The following DGKG variants were observed in gnomAD, a reference collection of about 807,000 sequenced individuals.
The protein encoded by DGKG is diacylglycerol kinase gamma.
In DGKG, 78 loss-of-function variants were observed where a neutral mutation model predicts 105.3. The ratio of observed to expected loss-of-function variants is 0.74; its 90% CI spans 0.62 to 0.89. The LOEUF (loss-of-function observed/expected upper bound fraction) is 0.89, where lower values mean the gene tolerates loss of function less well. Among genes scored for constraint, DGKG ranks in the 40% least tolerant of loss-of-function variants. DGKG has a pLI of 0.00. For missense variants in DGKG, 958 were observed against 1,020.1 expected (o/e 0.94, Z 0.83); for synonymous variants, 346 against 367.1 (o/e 0.94, Z 0.66).
chr3:186,256,104 A>G (rs1479741064), intron 17 of DGKG, among the ~76,000 whole-genome samples: 1 of 152,130 alleles, frequency 6.6e-6, no homozygotes, highest in Non-Finnish European at 1.5e-5. Flanking sequence ...CACCCTCTGC[A>G]GATCAGCTTT....
intron 19 of DGKG, among the ~76,000 whole-genome samples, chr3:186,249,152 G>A (rs182628680): frequency 6.6e-6 from 1 of 152,066 alleles, no homozygotes; most frequent in Non-Finnish European, 1.5e-5. Flanking sequence ...GGGCATCTGC[G>A]TGGGTCACTG....
At chr3:186,189,600 A>T (rs1717807889) in intron 21 of DGKG, among the ~76,000 whole-genome samples, 1 of 152,158 alleles carries the variant, frequency 6.6e-6, no homozygotes, top group African/African-American at 2.4e-5. Flanking sequence ...ATACAATAAA[A>T]ACCCACTATC....
intron 19 of DGKG, among the ~76,000 whole-genome samples, chr3:186,250,960 G>C (rs922977565): frequency 1.3e-5 from 2 of 151,236 alleles, no homozygotes; most frequent in African/African-American, 4.9e-5. Flanking sequence ...CTCCTGTTCC[G>C]ATCCTGTTCA....
chr3:186,283,403 C>A (rs1000436611), intron 7 of DGKG, among the ~76,000 whole-genome samples: 2 of 152,148 alleles, frequency 1.3e-5, no homozygotes, highest in African/African-American at 4.8e-5. Context: ...CTCGCACTCA[C>A]TGTTCTTTCT....
chr3:186,233,822 T>C (rs1288006645), intron 20 of DGKG, among the ~76,000 whole-genome samples: 1 of 152,214 alleles, frequency 6.6e-6, no homozygotes, highest in Non-Finnish European at 1.5e-5. Flanking sequence ...TGGCAGTTCA[T>C]GACAGCAACA....
chr3:186,151,470 A>G (rs553911255), intron 24 of DGKG, among the ~76,000 whole-genome samples: 1 of 152,342 alleles, frequency 6.6e-6, no homozygotes, highest in South Asian at 2.1e-4. Flanking sequence ...CAAGGAGGAA[A>G]GAATTTTAAA....
At chr3:186,280,073 T>C (rs1479187222) in intron 8 of DGKG, 100 bp from the exon 9 acceptor site, 1 of 1,468,556 alleles carries the variant, frequency 6.8e-7, no homozygotes, top group Non-Finnish European at 9.4e-7. Flanking sequence ...ATCTGGTTTG[T>C]GTTTTACCCC....
chr3:186,361,443 A>G lies in DGKG; in HGVS notation c.-249+503T>C, dbSNP rs975132591. Among the ~76,000 whole-genome samples the G allele has an allele frequency of 1.3e-5, 2 of 152,120 alleles. No homozygotes were observed. The highest frequency in any genetic ancestry group is 4.8e-5 in the African/African-American group (2 of 41,434). ...TCTCTGAGGTGTCCGTGTTCGCTTCAGCTTCCCTTTAAGTCGCCCTGCGCA... is the reference window on the plus strand; with the variant it reads ...TCTCTGAGGTGTCCGTGTTCGCTTCGGCTTCCCTTTAAGTCGCCCTGCGCA... On this transcript the variant is annotated intron_variant, in intron 1 of 24. Transcript: ENST00000265022. The surrounding 1 kb of genome is among the most constrained non-coding windows in gnomAD (Gnocchi z 6.8).
At chr3:186,192,674 G>A (rs952664208) in intron 21 of DGKG, among the ~76,000 whole-genome samples, 17 of 152,298 alleles carry the variant, frequency 1.1e-4, no homozygotes, top group Admixed American at 3.9e-4. Flanking sequence ...CAGATCCTAC[G>A]CTGGAGATGA....
chr3:186,357,841 G>A (rs1250033465), intron 1 of DGKG, among the ~76,000 whole-genome samples: 2 of 152,244 alleles, frequency 1.3e-5, no homozygotes, highest in Non-Finnish European at 2.9e-5. Context: ...TTTTTGCAAT[G>A]ATGGAAATCT....
intron 1 of DGKG, among the ~76,000 whole-genome samples, chr3:186,360,630 C>A (rs1437964304): frequency 1.3e-5 from 2 of 152,156 alleles, no homozygotes; most frequent in African/African-American, 4.8e-5. Flanking sequence ...GACCAAACCT[C>A]GACATTTGCC....
chr3:186,303,102 C>A (rs1724056750), intron 3 of DGKG, among the ~76,000 whole-genome samples: 1 of 152,144 alleles, frequency 6.6e-6, no homozygotes, highest in Admixed American at 6.5e-5. Flanking sequence ...GCATAGTGCT[C>A]CCTGACACTC....
rs767223071 is a variant in DGKG at position 186,149,326 on chromosome 3, C to T, written c.*764G>A. 3.9e-5 allele frequency: 38 copies of T among 985,154 alleles called. No individual in the cohort carries two copies. Among genetic ancestry groups the T allele is most frequent in the Admixed American group, 6.2e-5 (1 of 16,250 alleles). 61.0% of individuals were successfully genotyped at this position (985,154 alleles called of 1,614,324 possible). A position where few individuals can be genotyped will look rare whatever the true frequency, so the allele number is the denominator to read the frequency against. ...CTCCGCTCTCCCTCCCAGGTGTTCA[C>T]AGAACTAAGAAAATAAATACCACAT... is the stretch of plus-strand genomic sequence containing the variant. On this transcript the variant is annotated 3_prime_UTR_variant, in exon 25 of 25. Coordinates refer to ENST00000265022, the MANE Select transcript of DGKG (RefSeq NM_001346.3).
At chr3:186,193,334 TA>T (rs1717997447) in intron 21 of DGKG, among the ~76,000 whole-genome samples, 1 of 152,216 alleles carries the variant, frequency 6.6e-6, no homozygotes, top group Admixed American at 6.5e-5. Context: ...TTGTCATCTG[TA>T]AAATGGAGGA....
chr3:186,168,384 A>T (rs1397295726), intron 22 of DGKG, among the ~76,000 whole-genome samples: 4 of 152,216 alleles, frequency 2.6e-5, no homozygotes, highest in Admixed American at 2.6e-4. Flanking sequence ...CTCCAAGAAA[A>T]GAGGATGATA....
chr3:186,212,756 C>T (rs1485764452), intron 20 of DGKG, among the ~76,000 whole-genome samples: 1 of 152,214 alleles, frequency 6.6e-6, no homozygotes, highest in African/African-American at 2.4e-5. Flanking sequence ...TCCACCCCAA[C>T]TGTCACCCCA....
At chr3:186,353,484 A>G (rs1407988760) in intron 1 of DGKG, among the ~76,000 whole-genome samples, 1 of 151,416 alleles carries the variant, frequency 6.6e-6, no homozygotes, top group Non-Finnish European at 1.5e-5. Flanking sequence ...ACAGCACTGC[A>G]CTTCAGCCTG....
chr3:186,272,464 C>T (rs894376199), intron 10 of DGKG, 121 bp from the exon 11 acceptor site: 4 of 705,116 alleles, frequency 5.7e-6, no homozygotes, highest in African/African-American at 3.6e-5. Context: ...GGGCAGGGGA[C>T]ACATGGGGCT....
At chr3:186,321,836 C>A (rs989225679) in intron 1 of DGKG, among the ~76,000 whole-genome samples, 14 of 152,200 alleles carry the variant, frequency 9.2e-5, no homozygotes, top group Non-Finnish European at 2.9e-5. Flanking sequence ...AACCAGAATG[C>A]ATGGCAAGGA....
Sources: allele counts gnomAD v4.1 joint callset (sites outside exome capture counted in the v4.1 genomes callset), GRCh38; gene constraint gnomAD v4.1.1; non-coding constraint Gnocchi (gnomAD v3.1); transcripts MANE v1.5; gene names NCBI Gene and HGNC (gene_info 2026-07-23, HGNC 2026-07-21).